Variants in CENPF observed in about 807,000 individuals in gnomAD.
CENPF encodes the protein centromere protein F.
CENPF carries 214 observed loss-of-function variants against 307.3 expected under a neutral mutation model. The observed-to-expected ratio is 0.70, with a 90% CI of 0.62 to 0.78. CENPF has a LOEUF of 0.78. Among genes scored for constraint, CENPF ranks in the 30% least tolerant of loss-of-function variants. The pLI is 0.00. For synonymous variants in CENPF, 1,259 were observed against 1,270.6 expected, an observed-to-expected ratio of 0.99 and a Z score of 0.19; for missense variants, 3,401 against 3,483.9, an observed-to-expected ratio of 0.98 and a Z score of 0.60.
chr1:214,616,428 A>G (rs1267081159), intron 3 of CENPF, among the ~76,000 whole-genome samples: 1 of 152,218 alleles, frequency 6.6e-6, no homozygotes, highest in Non-Finnish European at 1.5e-5. Context: ...GTCACTGGCT[A>G]CAAGTGGCAA....
At position 214,641,052 on chromosome 1, in the gene CENPF, C is replaced by T. The variant is rs745767806; in HGVS notation, c.2714C>T (p.Ala905Val). The change falls in exon 12 of 20, where the codon GCC becomes GTC. Residue 905 changes from alanine (A) to valine (V), a missense_variant. Ala to Val is a moderately conservative substitution (Grantham distance 64, BLOSUM62 0). Transcript: ENST00000366955. Reference protein sequence around the residue: ...HQNVVAETLSALENKEKELQL... With the variant: ...HQNVVAETLSVLENKEKELQL... The stretch of plus-strand genomic sequence containing the variant: ...AATGTTGTTGCTGAAACCTTAAGTG[C>T]CCTTGAGAACAAGGAAAAAGAGCTG... 3.2e-6 allele frequency: 5 copies of T among 1,562,348 alleles called. No homozygotes were observed. The South Asian group carries it at 6.2e-5, about 19-fold the overall frequency.
chr1:214,603,486 C>T (rs1289231114), intron 1 of CENPF, 165 bp downstream of exon 1: 1 of 152,212 alleles, frequency 6.6e-6, no homozygotes, highest in Non-Finnish European at 1.5e-5. Flanking sequence ...TCCCACCCGA[C>T]CGAACTGGAG....
At chr1:214,644,503 T>C in intron 12 of CENPF, 54 bp from the exon 13 acceptor site, 1 of 1,484,524 alleles carries the variant, frequency 6.7e-7, no homozygotes, top group Non-Finnish European at 9.0e-7. Context: ...ATCTATTCTA[T>C]TTTGATTCTT....
chr1:214,646,697 T>C lies in CENPF; in HGVS notation c.7127T>C (p.Met2376Thr). The C allele has an allele frequency of 1.2e-6, 2 of 1,613,962 alleles. No homozygotes were observed. The highest frequency in any genetic ancestry group is 3.3e-5 in the Admixed American group (2 of 59,970). ...VETLKAKIEG[M>T]TQSLRGLELD... ...ACCCTAAAAGCAAAAATAGAAGGGA[T>C]GACCCAAAGTCTGAGAGGTCTGGAA... Residue 2376 changes from methionine (M) to threonine (T), a missense_variant, in exon 13 of 20, where the codon ATG becomes ACG. Physicochemically the swap from Met to Thr is moderately conservative, Grantham distance 81 (BLOSUM62 -1). Transcript: ENST00000366955.
At chr1:214,620,598 A>G (rs1467449018) in intron 5 of CENPF, 57 bp from the exon 6 acceptor site, 2 of 1,500,400 alleles carry the variant, frequency 1.3e-6, no homozygotes, top group Non-Finnish European at 1.8e-6. Flanking sequence ...TCTGAAAATA[A>G]ATAGCCTTGA....
At position 214,620,732 on chromosome 1, in the gene CENPF, C is replaced by T. The variant is rs201702404; in HGVS notation, c.651C>T (p.Phe217=). The stretch of plus-strand genomic sequence containing the variant: ...GGCATCAGGCTTCATCATCTGTGTT[C>T]TCATGGCAGCAAGAGAAGACCCCAA... ...IARHQASSSV[F]SWQQEKTPSH... The change falls in exon 6 of 20, where the codon TTC becomes TTT. Residue 217 remains phenylalanine (F), a synonymous_variant. Transcript: ENST00000366955. The T allele has an allele frequency of 8.1e-5, 131 of 1,614,056 alleles. No homozygotes were observed. Among genetic ancestry groups the T allele is most frequent in the Non-Finnish European group, 1.0e-4 (120 of 1,180,022 alleles).
chr1:214,661,947 T>A (rs1658797814), intron 19 of CENPF, among the ~76,000 whole-genome samples: 1 of 152,190 alleles, frequency 6.6e-6, no homozygotes, highest in South Asian at 2.1e-4. Context: ...TTGGTGAATT[T>A]GACTTTGTCT....
chr1:214,613,000 C>T lies in CENPF; in HGVS notation c.-41-714C>T. 2 of 323,656 alleles carry T rather than the reference C, an allele frequency of 6.2e-6. 1 individual carries two copies. The highest frequency in any genetic ancestry group is 7.5e-5 in the South Asian group (2 of 26,744). 20.0% of individuals were successfully genotyped at this position (323,656 alleles called of 1,614,324 possible). A position where few individuals can be genotyped will look rare whatever the true frequency, so the allele number is the denominator to read the frequency against. On this transcript the variant is annotated intron_variant, in intron 1 of 19. Transcript: ENST00000366955. ...GTCCTTCAGGCAGCTGAAGGAGTGT[C>T]ACATTTTCTTTAGACATCATTAGGC...
intron 19 of CENPF, among the ~76,000 whole-genome samples, chr1:214,662,531 C>T (rs1446548457): frequency 2.0e-5 from 3 of 152,110 alleles, no homozygotes; most frequent in Non-Finnish European, 2.9e-5. Flanking sequence ...TTTCTTCTTG[C>T]ATCAGAAGGA....
At chr1:214,658,640 T>C (rs768863984) in intron 18 of CENPF, among the ~76,000 whole-genome samples, 13 of 152,152 alleles carry the variant, frequency 8.5e-5, no homozygotes, top group Admixed American at 5.9e-4. Flanking sequence ...GTTTTCTATG[T>C]TTCTAATAAG....
rs553197106 is a variant in CENPF at position 214,652,661 on chromosome 1, C to T, written c.8161-167C>T. Among the ~76,000 whole-genome samples the T allele has an allele frequency of 6.2e-3, 914 of 147,166 alleles. 2 individuals are homozygous for T. The highest frequency in any genetic ancestry group is 0.016 in the Middle Eastern group (4 of 254). The stretch of plus-strand genomic sequence containing the variant: ...GGTTTCACCATGTTGGCCAGGATGG[C>T]CTTGAACTCCTGACCTCGTGATCTG... On this transcript the variant is annotated intron_variant, in intron 15 of 19. Coordinates refer to ENST00000366955, the MANE Select transcript of CENPF (RefSeq NM_016343.4).
intron 7 of CENPF, among the ~76,000 whole-genome samples, chr1:214,626,257 T>C (rs1425508616): frequency 6.6e-6 from 1 of 152,162 alleles, no homozygotes; most frequent in Non-Finnish European, 1.5e-5. Context: ...CCCAGTGCCA[T>C]AGTGTTTTTC....
intron 3 of CENPF, among the ~76,000 whole-genome samples, chr1:214,616,948 C>T (rs1490747986): frequency 8.1e-6 from 1 of 123,976 alleles, no homozygotes; most frequent in African/African-American, 3.0e-5. Flanking sequence ...TCCCTCCCTC[C>T]CTTCCTTCCT....
In CENPF at chr1:214,641,608, A is replaced by T; in HGVS notation, c.3270A>T (p.Ala1090=). ...KEHQEFLTKL[A]FAEERNQNLM... ...ACCAAGAATTCTTAACAAAATTAGC[A>T]TTTGCTGAAGAAAGAAATCAGAATC... is the stretch of plus-strand genomic sequence containing the variant. The change falls in exon 12 of 20, where the codon GCA becomes GCT. Residue 1090 remains alanine, a synonymous_variant. Transcript: ENST00000366955. The T allele has an allele frequency of 6.4e-7, 1 of 1,558,168 alleles. No homozygotes were observed. The highest frequency in any genetic ancestry group is 1.2e-5 in the South Asian group (1 of 81,354).
Position 214,645,823 on chromosome 1 carries a change from G to T in CENPF, c.6253G>T (p.Glu2085Ter), listed in dbSNP as rs1658279406. 3 of 1,614,086 alleles carry T rather than the reference G, an allele frequency of 1.9e-6. No homozygotes were observed. Among genetic ancestry groups the T allele is most frequent in the Non-Finnish European group, 2.5e-6 (3 of 1,180,038 alleles). ...GGCCAGACTGAGTGAATCAGATTAT[G>T]AAAAGCTGAATGTCTCCAAGGCCTT... ...LQARLSESDY[E>*]KLNVSKALEA... is the part of the protein sequence containing the mutation. Residue 2085 changes from glutamate to a stop codon, truncating the protein, a stop_gained, in exon 13 of 20, where the codon GAA (glutamate) becomes TAA (stop). Coordinates refer to ENST00000366955, the MANE Select transcript of CENPF (RefSeq NM_016343.4). LOFTEE classifies it high-confidence loss of function.
intron 19 of CENPF, among the ~76,000 whole-genome samples, chr1:214,663,061 C>G (rs1658827393): frequency 6.6e-6 from 1 of 152,186 alleles, no homozygotes; most frequent in African/African-American, 2.4e-5. Flanking sequence ...GGGATTTATT[C>G]TTTCCGGACT....
chr1:214,644,857 C>T lies in CENPF; in HGVS notation c.5287C>T (p.Leu1763=). The T allele has an allele frequency of 6.2e-7, 1 of 1,613,992 alleles. No homozygotes were observed. The highest frequency in any genetic ancestry group is 8.5e-7 in the Non-Finnish European group (1 of 1,179,988). ...TAATGCTTTGGTACCTATGGATTTC[C>T]TGGGGAATCAGGAAGATATCCATAA... ...GPNALVPMDF[L]GNQEDIHNLQ... Residue 1763 remains leucine (L), a synonymous_variant, in exon 13 of 20, where the codon CTG becomes TTG. Coordinates refer to ENST00000366955, the MANE Select transcript of CENPF (RefSeq NM_016343.4).
intron 1 of CENPF, chr1:214,606,113 C>G (rs1381322268): frequency 1.3e-6 from 2 of 1,562,628 alleles, no homozygotes; most frequent in Non-Finnish European, 1.7e-6. Context: ...GCCGCGGCCT[C>G]CGACGCGCGC....
intron 1 of CENPF, among the ~76,000 whole-genome samples, chr1:214,612,651 A>T (rs749462201): frequency 6.6e-6 from 1 of 152,168 alleles, no homozygotes; most frequent in Admixed American, 6.5e-5. Flanking sequence ...GTTGAGTTAG[A>T]TGTACTCCAC....
Sources: gnomAD v4.1 joint callset for allele counts (sites outside exome capture counted in the v4.1 genomes callset) on GRCh38, gnomAD v4.1.1 for gene constraint, MANE v1.5 for transcripts, NCBI Gene and HGNC (gene_info 2026-07-23, HGNC 2026-07-21) for gene names.